KCNIP3: variants seen among roughly 807,000 people sequenced by gnomAD.
The protein encoded by KCNIP3 is potassium voltage-gated channel interacting protein 3.
Under a neutral mutation model 35.0 loss-of-function variants are expected in KCNIP3, and 28 were observed. That is an observed-to-expected ratio of 0.80 (90% CI 0.59 to 1.10). The LOEUF is 1.10. KCNIP3 is among the 50% of genes least tolerant of loss of function. The pLI is 0.00. For synonymous variants in KCNIP3, 134 were observed against 133.8 expected (o/e 1.00, Z -0.01); for missense variants, 295 against 338.4 (o/e 0.87, Z 1.01).
At chr2:95,332,637 T>C (rs1364180578) in intron 2 of KCNIP3, among the ~76,000 whole-genome samples, 1 of 152,264 alleles carries the variant, frequency 6.6e-6, no homozygotes, top group Non-Finnish European at 1.5e-5. Flanking sequence ...GATATTAATA[T>C]GTGTCATGTG....
At chr2:95,353,016 C>T (rs1161071495) in intron 2 of KCNIP3, among the ~76,000 whole-genome samples, 1 of 152,240 alleles carries the variant, frequency 6.6e-6, no homozygotes, top group Admixed American at 6.5e-5. Context: ...GCACTCTATC[C>T]CAATGCCTAT....
In KCNIP3 at chr2:95,382,571, C is replaced by G; in HGVS notation, c.660+90C>G. The G allele has an allele frequency of 2.4e-6, 2 of 835,296 alleles. No homozygotes were observed. Among genetic ancestry groups the G allele is most frequent in the Non-Finnish European group, 3.7e-6 (2 of 537,352 alleles). The allele number at this position is 835,296 out of a possible 1,614,324, so 51.7% of individuals were successfully genotyped here. On this transcript the variant is annotated intron_variant, in intron 7 of 8. Transcript: ENST00000295225. This position sits in a 1 kb window ranked among gnomAD's most constrained non-coding sequence, Gnocchi z 4.5. ...GGCCACCCCGGGCAAGTGGCTTGCC[C>G]CTCTGAGCCTCCCTACTCCCCATGA... is the stretch of plus-strand genomic sequence containing the variant.
chr2:95,368,388 GA>G (rs1057468039), intron 2 of KCNIP3: 1 of 155,662 alleles, frequency 6.4e-6, no homozygotes, highest in African/African-American at 2.4e-5. Flanking sequence ...GAAAGGGTGG[GA>G]GGGGGTGAGG....
At chr2:95,362,632 T>C (rs1034806709) in intron 2 of KCNIP3, among the ~76,000 whole-genome samples, 1 of 152,146 alleles carries the variant, frequency 6.6e-6, no homozygotes, top group African/African-American at 2.4e-5. Flanking sequence ...GGGTTTGCGC[T>C]CCTATGAGAA....
At chr2:95,324,513 A>AAAATAAAGAT (rs1678679643) in intron 2 of KCNIP3, among the ~76,000 whole-genome samples, 1 of 56,278 alleles carries the variant, frequency 1.8e-5, no homozygotes, top group African/African-American at 6.7e-5. Flanking sequence ...ACTCCGTCTC[A>AAAATAAAGAT]AAATAAATAG....
chr2:95,362,691 C>G (rs1420307950), intron 2 of KCNIP3, among the ~76,000 whole-genome samples: 1 of 152,070 alleles, frequency 6.6e-6, no homozygotes, highest in African/African-American at 2.4e-5. Context: ...GGCAGGAATG[C>G]GAGCAGTGGG....
chr2:95,373,205 G>C (rs922523648), intron 2 of KCNIP3, among the ~76,000 whole-genome samples: 4 of 152,202 alleles, frequency 2.6e-5, no homozygotes, highest in African/African-American at 9.6e-5. Flanking sequence ...GGAAGGTGGC[G>C]CTCTGTAATT....
intron 2 of KCNIP3, among the ~76,000 whole-genome samples, chr2:95,362,432 A>C (rs761036691): frequency 5.9e-5 from 9 of 152,102 alleles, no homozygotes; most frequent in Non-Finnish European, 1.3e-4. Flanking sequence ...TAAGGCTACC[A>C]ATCTTATGGG....
rs1679849722 is a variant in KCNIP3, at chr2:95,363,480, A to G, written c.182-10816A>G. Among the ~76,000 whole-genome samples the G allele has an allele frequency of 2.0e-5, 3 of 152,106 alleles. No individual in the cohort carries two copies. In the South Asian group the frequency reaches 6.2e-4, roughly 32 times the overall value. On this transcript the variant is annotated intron_variant, in intron 2 of 8. Coordinates refer to ENST00000295225, the MANE Select transcript of KCNIP3 (RefSeq NM_013434.5). Reference sequence around the variant, plus strand: ...TGTCTGTTCTTGTACCAACCATACAATTTTTATTACAATGACTATACAACA... The same window carrying G: ...TGTCTGTTCTTGTACCAACCATACAGTTTTTATTACAATGACTATACAACA...
chr2:95,321,033 A>C (rs1217657326), intron 2 of KCNIP3, among the ~76,000 whole-genome samples: 24 of 31,614 alleles, frequency 7.6e-4, no homozygotes, highest in Admixed American at 1.9e-3. Flanking sequence ...TCTCCTCCCC[A>C]CACCCCCAGC....
intron 1 of KCNIP3, among the ~76,000 whole-genome samples, chr2:95,297,967 A>G (rs1027164001): frequency 7.2e-5 from 11 of 152,332 alleles, no homozygotes; most frequent in African/African-American, 2.4e-4. Context: ...ATGAGTGCCC[A>G]CTTCCTCTGA....
intron 1 of KCNIP3, among the ~76,000 whole-genome samples, chr2:95,305,024 C>T (rs940182301): frequency 6.6e-6 from 1 of 152,192 alleles, no homozygotes; most frequent in Non-Finnish European, 1.5e-5. Flanking sequence ...GGGACACAGC[C>T]CTAAATGCCC....
chr2:95,382,666 C>G lies in KCNIP3; in HGVS notation c.660+185C>G, dbSNP rs974503113. Reference sequence around the variant, plus strand: ...CTGAGAAGTGAACTACACCACTGCTCTGCCCTGTGGACCTCATCTGGGGGC... The same window carrying G: ...CTGAGAAGTGAACTACACCACTGCTGTGCCCTGTGGACCTCATCTGGGGGC... On this transcript the variant is annotated intron_variant, in intron 7 of 8. Transcript: ENST00000295225. This position sits in a 1 kb window ranked among gnomAD's most constrained non-coding sequence, Gnocchi z 4.5. Among the ~76,000 whole-genome samples, 2 of 152,238 alleles carry G rather than the reference C, an allele frequency of 1.3e-5. No individual in the cohort carries two copies. The highest frequency in any genetic ancestry group is 4.8e-5 in the African/African-American group (2 of 41,466).
intron 2 of KCNIP3, among the ~76,000 whole-genome samples, chr2:95,350,201 T>C (rs1208059204): frequency 6.6e-6 from 1 of 152,058 alleles, no homozygotes; most frequent in Non-Finnish European, 1.5e-5. Context: ...GACATAAAGG[T>C]CCTCCTTGTC....
At chr2:95,362,128 A>G (rs1390487231) in intron 2 of KCNIP3, among the ~76,000 whole-genome samples, 2 of 146,506 alleles carry the variant, frequency 1.4e-5, no homozygotes, top group African/African-American at 2.5e-5. Context: ...TTTTTTTGAG[A>G]TGGAGTCTTG....
chr2:95,367,758 A>ATT (rs5832800), intron 2 of KCNIP3, among the ~76,000 whole-genome samples: 67 of 131,790 alleles, frequency 5.1e-4, no homozygotes, highest in South Asian at 1.9e-3. Flanking sequence ...GTGACTTAAC[A>ATT]TTTTTTTTTT....
At chr2:95,316,807 G>A (rs1282245470) in intron 2 of KCNIP3, among the ~76,000 whole-genome samples, 1 of 152,212 alleles carries the variant, frequency 6.6e-6, no homozygotes. Flanking sequence ...TGAAACTCAG[G>A]AAGAATGAAT....
intron 2 of KCNIP3, among the ~76,000 whole-genome samples, chr2:95,322,531 G>A (rs1165703712): frequency 1.3e-5 from 2 of 152,150 alleles, no homozygotes; most frequent in Non-Finnish European, 2.9e-5. Flanking sequence ...GCGCACAGTG[G>A]AGAGTGGTTT....
intron 2 of KCNIP3, among the ~76,000 whole-genome samples, chr2:95,351,331 G>A (rs576103221): frequency 3.9e-5 from 6 of 152,366 alleles, no homozygotes; most frequent in African/African-American, 9.6e-5. Flanking sequence ...CTTGGGGTGC[G>A]AGGCACCAGG....
Sources: allele counts gnomAD v4.1 joint callset (sites outside exome capture counted in the v4.1 genomes callset), GRCh38; gene constraint gnomAD v4.1.1; non-coding constraint Gnocchi (gnomAD v3.1); transcripts MANE v1.5; gene names NCBI Gene and HGNC (gene_info 2026-07-23, HGNC 2026-07-21).